DOCK8: variants seen among roughly 807,000 people sequenced by gnomAD.
DOCK8 encodes the protein dedicator of cytokinesis protein 8.
Under a neutral mutation model 245.6 loss-of-function variants are expected in DOCK8, and 141 were observed. The observed-to-expected ratio is 0.57, with a 90% confidence interval of 0.50 to 0.66. The LOEUF is 0.66. Ranked by LOEUF, DOCK8 falls within the 30% of genes least tolerant of loss-of-function variation. The probability of loss-of-function intolerance (pLI) is 0.00; values close to 1 mark genes in which losing one functional copy is unlikely to be tolerated. For synonymous variants in DOCK8, 1,168 were observed against 970.2 expected (o/e 1.20, Z -3.79); for missense variants, 2,965 against 2,603.4 (o/e 1.14, Z -3.02).
At chr9:384,923 A>G (rs1180144261) in intron 22 of DOCK8, among the ~76,000 whole-genome samples, 1 of 152,210 alleles carries the variant, frequency 6.6e-6, no homozygotes, top group African/African-American at 2.4e-5. Flanking sequence ...CTAAAAAAAT[A>G]AAAATAAATA....
chr9:376,463 T>C (rs141665817), intron 19 of DOCK8, among the ~76,000 whole-genome samples, 158 bp downstream of exon 19: 2 of 152,340 alleles, frequency 1.3e-5, no homozygotes, highest in East Asian at 3.9e-4. Context: ...TAGGTTTCAT[T>C]TGTCATTGGA....
intron 1 of DOCK8, chr9:215,414 G>A (rs780601205): frequency 4.6e-6 from 7 of 1,524,980 alleles, no homozygotes; most frequent in Admixed American, 4.4e-5. Flanking sequence ...TCCTTCCTTT[G>A]AGGCAAGTCT....
chr9:240,343 C>A (rs1215309071), intron 1 of DOCK8, among the ~76,000 whole-genome samples: 2 of 150,924 alleles, frequency 1.3e-5, no homozygotes, highest in East Asian at 1.9e-4. Flanking sequence ...TTGGTTTGGA[C>A]AAATACTATT....
intron 1 of DOCK8, among the ~76,000 whole-genome samples, chr9:267,327 C>T (rs548081416): frequency 8.5e-5 from 13 of 152,198 alleles, no homozygotes; most frequent in African/African-American, 2.9e-4. Flanking sequence ...CACCTCAGCC[C>T]CCTGAGTAGC....
chr9:269,648 C>T (rs559716117), intron 1 of DOCK8, among the ~76,000 whole-genome samples: 31 of 150,440 alleles, frequency 2.1e-4, no homozygotes, highest in African/African-American at 6.6e-4. Context: ...CTCCGCCTCT[C>T]GGGTTCAAGC....
intron 1 of DOCK8, among the ~76,000 whole-genome samples, chr9:267,636 T>A (rs576861225): frequency 2.1e-3 from 319 of 152,374 alleles, no homozygotes; most frequent in Non-Finnish European, 3.9e-3. Context: ...ACGTATATTG[T>A]TATACTGTTG....
intron 15 of DOCK8, 120 bp downstream of exon 15, chr9:368,255 G>GC: frequency 1.2e-6 from 1 of 866,714 alleles, no homozygotes; most frequent in Non-Finnish European, 2.0e-6. Context: ...ATACTGCTCA[G>GC]CATGTGCAAG....
intron 46 of DOCK8, among the ~76,000 whole-genome samples, chr9:458,698 C>A (rs976341487): frequency 2.6e-5 from 4 of 152,100 alleles, no homozygotes; most frequent in South Asian, 4.1e-4. Context: ...GTAGTTCCAA[C>A]TGCTCGGGAA....
intron 14 of DOCK8, among the ~76,000 whole-genome samples, chr9:351,428 G>A (rs2052161901): frequency 6.6e-6 from 1 of 152,192 alleles, no homozygotes; most frequent in Non-Finnish European, 1.5e-5. Context: ...CAATCACCAA[G>A]GCTAGAAGAT....
At chr9:340,872 T>G (rs1006969099) in intron 14 of DOCK8, among the ~76,000 whole-genome samples, 3 of 152,164 alleles carry the variant, frequency 2.0e-5, no homozygotes, top group Non-Finnish European at 4.4e-5. Context: ...AGTGGACATA[T>G]GTTTTCCAGA....
chr9:437,049 T>C (rs895631546), intron 39 of DOCK8, among the ~76,000 whole-genome samples: 1 of 152,190 alleles, frequency 6.6e-6, no homozygotes, highest in Non-Finnish European at 1.5e-5. Flanking sequence ...AGCCAAATTA[T>C]ATTAATGTGT....
intron 3 of DOCK8, 42 bp downstream of exon 3, chr9:286,678 T>C (rs1370612697): frequency 2.5e-6 from 4 of 1,602,358 alleles, no homozygotes; most frequent in Non-Finnish European, 2.6e-6. Context: ...GGGATTGTCA[T>C]GATTGTTTTC....
chr9:446,023 T>C (rs1258428792), intron 43 of DOCK8, among the ~76,000 whole-genome samples: 4 of 152,232 alleles, frequency 2.6e-5, no homozygotes, highest in African/African-American at 9.6e-5. Flanking sequence ...AACTGTGAGG[T>C]AGTCATTGTC....
At chr9:443,205 C>G (rs2057147072) in intron 42 of DOCK8, among the ~76,000 whole-genome samples, 1 of 152,140 alleles carries the variant, frequency 6.6e-6, no homozygotes, top group Non-Finnish European at 1.5e-5. Context: ...GAATTAGAGG[C>G]CAAGCATACA....
At chr9:338,885 TA>T in intron 12 of DOCK8, 120 bp from the exon 13 acceptor site, 1 of 800,050 alleles carries the variant, frequency 1.2e-6, no homozygotes, top group Non-Finnish European at 2.1e-6. Flanking sequence ...TCTATAATCC[TA>T]ATTTCTATGA....
chr9:214,664 G>C, upstream of DOCK8: 4 of 1,600,870 alleles, frequency 2.5e-6, no homozygotes, highest in South Asian at 2.2e-5. Context: ...TTCGGCCGGA[G>C]GTCGGCGGCC....
intron 18 of DOCK8, 46 bp from the exon 19 acceptor site, chr9:376,164 A>C: frequency 7.3e-7 from 1 of 1,376,424 alleles, no homozygotes; most frequent in Non-Finnish European, 1.0e-6. Flanking sequence ...TAGTAATCAG[A>C]AAAGGGAATT....
intron 1 of DOCK8, among the ~76,000 whole-genome samples, chr9:250,486 A>T (rs2047619511): frequency 1.3e-5 from 2 of 152,044 alleles, no homozygotes; most frequent in Non-Finnish European, 2.9e-5. Flanking sequence ...TCAAAACAAG[A>T]CCCTCTGATA....
intron 1 of DOCK8, among the ~76,000 whole-genome samples, chr9:216,221 A>C (rs1360762683): frequency 6.6e-6 from 1 of 152,084 alleles, no homozygotes. Context: ...TTGGAGGCCA[A>C]AAGGTACTAG....
Sources: gnomAD v4.1 joint callset for allele counts (sites outside exome capture counted in the v4.1 genomes callset) on GRCh38, gnomAD v4.1.1 for gene constraint, MANE v1.5 for transcripts, NCBI Gene and HGNC (gene_info 2026-07-23, HGNC 2026-07-21) for gene names.